Variants in VDAC1 observed in about 807,000 individuals in gnomAD.
The protein encoded by VDAC1 is non-selective voltage-gated ion channel VDAC1.
A neutral mutation model predicts 34.7 loss-of-function variants in VDAC1; 10 were observed. That is an observed-to-expected ratio of 0.29 (90% CI 0.18 to 0.49). The LOEUF (loss-of-function observed/expected upper bound fraction) is 0.49. VDAC1 is among the 20% of genes least tolerant of loss of function. VDAC1 has a pLI of 0.99. For synonymous variants in VDAC1, 130 were observed against 136.0 expected (o/e 0.96, Z 0.30); for missense variants, 230 against 347.9 (o/e 0.66, Z 2.69).
At chr5:134,047,460 A>T in the VDAC1 span, among the ~76,000 whole-genome samples, 11 of 152,304 alleles carry the variant, frequency 7.2e-5, no homozygotes, top group African/African-American at 2.6e-4. Context: ...GCCTCAGAAA[A>T]GGACCATTCC....
At chr5:134,037,072 G>A in the VDAC1 span, among the ~76,000 whole-genome samples, 4 of 152,100 alleles carry the variant, frequency 2.6e-5, no homozygotes, top group Admixed American at 6.5e-5. Flanking sequence ...GCCCTTTAAC[G>A]AGTAACCAAG....
At chr5:134,081,405 C>T in the VDAC1 span, among the ~76,000 whole-genome samples, 1 of 152,198 alleles carries the variant, frequency 6.6e-6, no homozygotes, top group Non-Finnish European at 1.5e-5. Context: ...TCTCAAACTC[C>T]TGACCTCAGG....
the VDAC1 span, among the ~76,000 whole-genome samples, chr5:134,096,955 C>A: frequency 6.6e-6 from 1 of 152,262 alleles, no homozygotes; most frequent in Non-Finnish European, 1.5e-5. Flanking sequence ...GGGCTTGCAG[C>A]CCCCTCTGGG....
At chr5:134,066,504 T>C in the VDAC1 span, among the ~76,000 whole-genome samples, 1 of 152,376 alleles carries the variant, frequency 6.6e-6, no homozygotes, top group Non-Finnish European at 1.5e-5. Flanking sequence ...TCTAACATAA[T>C]TTATACCTGC....
At chr5:134,085,747 A>G in the VDAC1 span, among the ~76,000 whole-genome samples, 1 of 145,318 alleles carries the variant, frequency 6.9e-6, no homozygotes, top group African/African-American at 2.5e-5. Context: ...AAAAAAAAAA[A>G]AAAAAATTTC....
At chr5:134,100,319 C>T in the VDAC1 span, among the ~76,000 whole-genome samples, 2 of 152,224 alleles carry the variant, frequency 1.3e-5, no homozygotes, top group African/African-American at 4.8e-5. Context: ...TCTAATCTTA[C>T]CCAGGCATTA....
the VDAC1 span, among the ~76,000 whole-genome samples, chr5:134,067,428 T>TAAA: frequency 1.8e-3 from 178 of 96,808 alleles, 1 homozygote; most frequent in East Asian, 9.0e-3. Context: ...TTACATATTC[T>TAAA]AAAAAAAAAA....
the VDAC1 span, among the ~76,000 whole-genome samples, chr5:134,055,442 T>C: frequency 6.6e-6 from 1 of 151,844 alleles, no homozygotes; most frequent in African/African-American, 2.4e-5. Context: ...TGTTTTGAGA[T>C]GGAGTCTCGC....
chr5:134,038,751 T>C, the VDAC1 span, among the ~76,000 whole-genome samples: 29 of 152,376 alleles, frequency 1.9e-4, no homozygotes, highest in East Asian at 5.6e-3. Context: ...GTAGTTCTGC[T>C]TTGCAGCAAT....
At chr5:133,996,198 G>A (rs73787986) in intron 1 of VDAC1, among the ~76,000 whole-genome samples, 1 of 152,322 alleles carries the variant, frequency 6.6e-6, no homozygotes, top group African/African-American at 2.4e-5. Flanking sequence ...GTTCCCACTG[G>A]TTGGTAGGAA....
the VDAC1 span, among the ~76,000 whole-genome samples, chr5:134,028,226 AG>A: frequency 1.3e-5 from 2 of 151,910 alleles, no homozygotes; most frequent in African/African-American, 4.8e-5. Context: ...TCCACCTTCC[AG>A]GTTCAAGCAA....
At chr5:134,048,226 C>T in the VDAC1 span, among the ~76,000 whole-genome samples, 54 of 152,230 alleles carry the variant, frequency 3.5e-4, no homozygotes, top group East Asian at 8.7e-3. Context: ...CCTCGGCCTC[C>T]CAAAGTGCTG....
the VDAC1 span, among the ~76,000 whole-genome samples, chr5:134,051,516 C>T: frequency 6.6e-6 from 1 of 152,170 alleles, no homozygotes; most frequent in African/African-American, 2.4e-5. Flanking sequence ...TTGTGAGAAC[C>T]TTGTTGAGTG....
At chr5:134,003,148 C>T (rs1580734917) in intron 1 of VDAC1, among the ~76,000 whole-genome samples, 1 of 152,212 alleles carries the variant, frequency 6.6e-6, no homozygotes, top group Admixed American at 6.5e-5. Context: ...CCCACAGACC[C>T]TTCTCAAGCA....
the VDAC1 span, among the ~76,000 whole-genome samples, chr5:134,052,450 C>T: frequency 2.6e-5 from 4 of 152,044 alleles, no homozygotes; most frequent in Admixed American, 6.6e-5. Context: ...CATGCTACCA[C>T]GCCTGGCTAA....
intron 1 of VDAC1, among the ~76,000 whole-genome samples, chr5:133,995,561 C>T (rs4958204): frequency 0.015 from 2,305 of 152,196 alleles, 25 homozygotes; most frequent in Non-Finnish European, 0.022. Flanking sequence ...CCACCGAGGA[C>T]AGCAAAAGGA....
upstream of VDAC1, among the ~76,000 whole-genome samples, chr5:134,009,865 G>T (rs891438434): frequency 4.6e-5 from 7 of 151,806 alleles, no homozygotes; most frequent in African/African-American, 1.7e-4. Context: ...ATTTTTAGTA[G>T]AGATGTGGTT....
the VDAC1 span, among the ~76,000 whole-genome samples, chr5:134,095,746 G>A: frequency 2.0e-5 from 3 of 152,168 alleles, no homozygotes; most frequent in Admixed American, 6.5e-5. Context: ...CCAGCCACAC[G>A]TGGCTATTTA....
At chr5:134,063,296 C>G in the VDAC1 span, among the ~76,000 whole-genome samples, 445 of 152,304 alleles carry the variant, frequency 2.9e-3, 3 homozygotes, top group African/African-American at 9.9e-3. Context: ...GTTCCAACAT[C>G]CAGTGTGGAC....
Sources: allele counts gnomAD v4.1 joint callset (sites outside exome capture counted in the v4.1 genomes callset), GRCh38; gene constraint gnomAD v4.1.1; transcripts MANE v1.5; gene names NCBI Gene and HGNC (gene_info 2026-07-23, HGNC 2026-07-21).